CLIC6: variants seen among roughly 807,000 people sequenced by gnomAD.
The protein encoded by CLIC6 is chloride intracellular channel protein 6.
Under a neutral mutation model 49.2 loss-of-function variants are expected in CLIC6, and 39 were observed. The ratio of observed to expected loss-of-function variants is 0.79; its 90% CI spans 0.61 to 1.04. CLIC6 has a LOEUF of 1.04. Ranked by LOEUF, CLIC6 falls within the 50% of genes least tolerant of loss-of-function variation. The pLI, the probability that CLIC6 is intolerant of heterozygous loss-of-function variation, is 0.00. For synonymous variants in CLIC6, 446 were observed against 433.4 expected, an observed-to-expected ratio of 1.03 and a Z score of -0.36; for missense variants, 988 against 993.1, an observed-to-expected ratio of 0.99 and a Z score of 0.07.
At chr21:34,700,719 C>A (rs1990173731) in intron 1 of CLIC6, among the ~76,000 whole-genome samples, 1 of 139,962 alleles carries the variant, frequency 7.1e-6, no homozygotes, top group South Asian at 2.3e-4. Context: ...CCGCCCACTG[C>A]TCAGGCTTTC....
intron 1 of CLIC6, among the ~76,000 whole-genome samples, chr21:34,699,181 C>T (rs1990142345): frequency 6.6e-6 from 1 of 152,186 alleles, no homozygotes; most frequent in Admixed American, 6.5e-5. Context: ...TCAACAACAT[C>T]CACAAATGAT....
Position 34,669,556 on chromosome 21 carries a change from T to C in CLIC6, c.168T>C (p.Ala56=), listed in dbSNP as rs1601253010. 1 of 1,243,994 alleles carries C rather than the reference T, an allele frequency of 8.0e-7. No individual in the cohort carries two copies. The highest frequency in any genetic ancestry group is 3.7e-5 in the South Asian group (1 of 27,172). 77.1% of individuals were successfully genotyped at this position (1,243,994 alleles called of 1,614,324 possible). ...AGGAGGCGCCGAGGGGCGCCGCCGCTGTGAAGGAGGCAGGAGGCGGCGGGC... is the reference window on the plus strand; with the variant it reads ...AGGAGGCGCCGAGGGGCGCCGCCGCCGTGAAGGAGGCAGGAGGCGGCGGGC... ...GAEEAPRGAA[A]VKEAGGGGPD... The change falls in exon 1 of 6, where the codon GCT becomes GCC. Residue 56 remains alanine (A), a synonymous_variant. Coordinates refer to ENST00000349499, the MANE Select transcript of CLIC6 (RefSeq NM_053277.3).
chr21:34,671,867 T>C (rs1019654126), intron 1 of CLIC6, among the ~76,000 whole-genome samples: 1 of 152,084 alleles, frequency 6.6e-6, no homozygotes, highest in Admixed American at 6.5e-5. Context: ...AGAAGGGGTG[T>C]GTGTGTGTTT....
At chr21:34,693,803 A>G (rs1388263919) in intron 1 of CLIC6, among the ~76,000 whole-genome samples, 1 of 152,104 alleles carries the variant, frequency 6.6e-6, no homozygotes, top group Non-Finnish European at 1.5e-5. Context: ...GCCTTGTGAC[A>G]GGGTTTGGAT....
chr21:34,677,673 C>T (rs1170115585), intron 1 of CLIC6, among the ~76,000 whole-genome samples: 1 of 152,156 alleles, frequency 6.6e-6, no homozygotes, highest in Non-Finnish European at 1.5e-5. Context: ...GATTTTTCTT[C>T]TTATTCCCAT....
In CLIC6 at chr21:34,669,306, C is replaced by G. The variant is rs536799739; in HGVS notation, c.-83C>G. On this transcript the variant is annotated 5_prime_UTR_variant, in exon 1 of 6. Transcript: ENST00000349499. The stretch of plus-strand genomic sequence containing the variant: ...GTCCTTCAAGGAGCACAGAGGGCCC[C>G]GTAGCACGCCCCTTGCCCAGCGCCA... 275 of 1,122,166 alleles carry G rather than the reference C, an allele frequency of 2.5e-4. No individual in the cohort carries two copies. The highest frequency in any genetic ancestry group is 5.7e-4 in the Middle Eastern group (2 of 3,530). The allele number at this position is 1,122,166 out of a possible 1,614,324, so 69.5% of individuals were successfully genotyped here.
At chr21:34,695,810 G>A (rs1990078280) in intron 1 of CLIC6, among the ~76,000 whole-genome samples, 1 of 152,192 alleles carries the variant, frequency 6.6e-6, no homozygotes, top group Non-Finnish European at 1.5e-5. Flanking sequence ...AAAAATTCCA[G>A]ACCCAAATTC....
At chr21:34,687,991 G>A (rs774875770) in intron 1 of CLIC6, among the ~76,000 whole-genome samples, 2 of 152,196 alleles carry the variant, frequency 1.3e-5, no homozygotes, top group African/African-American at 2.4e-5. Flanking sequence ...CCGCTCCACT[G>A]GGGGTATGCA....
chr21:34,680,584 C>G (rs1045369020), intron 1 of CLIC6, among the ~76,000 whole-genome samples: 1 of 152,182 alleles, frequency 6.6e-6, no homozygotes, highest in Non-Finnish European at 1.5e-5. Context: ...CTTTTATGCT[C>G]TGTTTCCTCT....
chr21:34,708,945 A>C (rs1448042818), intron 4 of CLIC6, 139 bp downstream of exon 4: 1 of 650,000 alleles, frequency 1.5e-6, no homozygotes, highest in Non-Finnish European at 2.7e-6. Context: ...AAGTGCCTCC[A>C]ACTTTGAATC....
intron 5 of CLIC6, among the ~76,000 whole-genome samples, chr21:34,711,511 T>C (rs542987235): frequency 6.6e-6 from 1 of 150,978 alleles, no homozygotes; most frequent in African/African-American, 2.4e-5. Context: ...AGAGCAAGAC[T>C]CTGTCAAATA....
intron 1 of CLIC6, among the ~76,000 whole-genome samples, chr21:34,703,946 A>G (rs1383536217): frequency 6.6e-6 from 1 of 152,234 alleles, no homozygotes; most frequent in Non-Finnish European, 1.5e-5. Flanking sequence ...CCAAGCACCT[A>G]AGTCTTCGCT....
chr21:34,670,577 A>C lies in CLIC6; in HGVS notation c.1189A>C (p.Ser397Arg). The part of the protein sequence containing the change: ...AGGEEESPDS[S>R]PHGEASRGAA... Reference sequence around the variant, plus strand: ...GGGCGAAGAGGAATCCCCCGACAGCAGCCCACATGGGGAGGCCTCCAGGGG... The same window carrying C: ...GGGCGAAGAGGAATCCCCCGACAGCCGCCCACATGGGGAGGCCTCCAGGGG... Residue 397 changes from serine (S) to arginine (R), a missense_variant, in exon 1 of 6, where the codon AGC becomes CGC. Transcript: ENST00000349499. 1 of 1,518,266 alleles carries C rather than the reference A, an allele frequency of 6.6e-7. No homozygotes were observed. 94.0% of individuals were successfully genotyped at this position (1,518,266 alleles called of 1,614,324 possible). A position where few individuals can be genotyped will look rare whatever the true frequency, so the allele number is the denominator to read the frequency against.
At chr21:34,713,763 G>A (rs747922307) in intron 5 of CLIC6, among the ~76,000 whole-genome samples, 4 of 152,098 alleles carry the variant, frequency 2.6e-5, no homozygotes, top group Non-Finnish European at 4.4e-5. Context: ...TAAATGACAT[G>A]CCATGTTAAA....
chr21:34,708,348 A>G (rs2056031248), intron 3 of CLIC6, among the ~76,000 whole-genome samples: 1 of 152,136 alleles, frequency 6.6e-6, no homozygotes, highest in Non-Finnish European at 1.5e-5. Flanking sequence ...GCTGGAAGCT[A>G]TGGAGTATGT....
chr21:34,712,731 T>G (rs1284108850), intron 5 of CLIC6, among the ~76,000 whole-genome samples: 2 of 152,190 alleles, frequency 1.3e-5, no homozygotes, highest in Non-Finnish European at 2.9e-5. Context: ...TTGTGACTGC[T>G]GAGCAGAGAA....
At chr21:34,681,236 A>C (rs1989774790) in intron 1 of CLIC6, among the ~76,000 whole-genome samples, 1 of 152,234 alleles carries the variant, frequency 6.6e-6, no homozygotes, top group Admixed American at 6.5e-5. Flanking sequence ...TGAAGGCGGA[A>C]GCCATTTATA....
chr21:34,671,122 A>T (rs1202758468), intron 1 of CLIC6, among the ~76,000 whole-genome samples: 4 of 83,516 alleles, frequency 4.8e-5, no homozygotes, highest in African/African-American at 1.7e-4. Context: ...CTAAAAAGTT[A>T]AAAAAAAAAA....
chr21:34,696,849 T>C (rs1990098088), intron 1 of CLIC6, among the ~76,000 whole-genome samples: 3 of 152,102 alleles, frequency 2.0e-5, no homozygotes, highest in Admixed American at 6.5e-5. Flanking sequence ...CATGTAATTA[T>C]GTATCTCCTT....
Sources: gnomAD v4.1 joint callset for allele counts (sites outside exome capture counted in the v4.1 genomes callset) on GRCh38, gnomAD v4.1.1 for gene constraint, MANE v1.5 for transcripts, NCBI Gene and HGNC (gene_info 2026-07-23, HGNC 2026-07-21) for gene names.